The following GALNT12 variants were observed in gnomAD, a reference collection of about 807,000 sequenced individuals.
GALNT12 encodes the protein UDP-GalNAc:polypeptide N-acetylgalactosaminyltransferase 12.
GALNT12 carries 45 observed loss-of-function variants against 55.5 expected under a neutral mutation model. The ratio of observed to expected loss-of-function variants is 0.81; its 90% CI spans 0.64 to 1.04. GALNT12 has a LOEUF of 1.04. Among genes scored for constraint, GALNT12 ranks in the 50% least tolerant of loss-of-function variants. The pLI, the probability that GALNT12 is intolerant of heterozygous loss-of-function variation, is 0.00. For synonymous variants in GALNT12, 304 were observed against 312.2 expected (o/e 0.97, Z 0.28); for missense variants, 709 against 754.8 (o/e 0.94, Z 0.71).
intron 8 of GALNT12, 87 bp from the exon 9 acceptor site, chr9:98,845,890 C>T (rs915983484): frequency 6.2e-6 from 9 of 1,445,184 alleles, no homozygotes; most frequent in Non-Finnish European, 8.6e-6. Flanking sequence ...CCCATGCTCT[C>T]GTGATCCCAG....
At chr9:98,836,569 C>T (rs553781294) in intron 5 of GALNT12, among the ~76,000 whole-genome samples, 4 of 152,188 alleles carry the variant, frequency 2.6e-5, no homozygotes, top group South Asian at 2.1e-4. Flanking sequence ...TGTTTCTAGA[C>T]GCTCTTCCTT....
At chr9:98,842,814 A>G (rs1215314574) in intron 7 of GALNT12, among the ~76,000 whole-genome samples, 1 of 152,150 alleles carries the variant, frequency 6.6e-6, no homozygotes, top group East Asian at 1.9e-4. Context: ...ATATTAAAAA[A>G]AAAGTAAAGT....
At chr9:98,847,443 T>G (rs1431089564) in intron 9 of GALNT12, 1 of 152,164 alleles carries the variant, frequency 6.6e-6, no homozygotes. Flanking sequence ...CTTCCCATCT[T>G]TCTCCCAACC....
chr9:98,831,976 G>C lies in GALNT12; in HGVS notation c.917+19G>C. 2 of 1,607,608 alleles carry C rather than the reference G, an allele frequency of 1.2e-6. No homozygotes were observed. Among genetic ancestry groups the C allele is most frequent in the Non-Finnish European group, 1.7e-6 (2 of 1,175,440 alleles). On this transcript the variant is annotated intron_variant, in intron 4 of 9. Transcript: ENST00000375011. ...TCATCAGGTCAGGAGCTGACTTCTG[G>C]GTGACTTGTTTTTTAAGCATGCCTC...
At position 98,837,164 on chromosome 9, in the gene GALNT12, C is replaced by T. The variant is rs761917990; in HGVS notation, c.1212+16C>T. 1.2e-6 allele frequency: 2 copies of T among 1,613,724 alleles called. No individual in the cohort carries two copies. The highest frequency in any genetic ancestry group is 2.2e-5 in the East Asian group (1 of 44,874). The stretch of plus-strand genomic sequence containing the variant: ...TGCCCGCTTGGTGAGTTCCTCGGCC[C>T]ACCTGCACTCCATCTGGCTTCATCT... On this transcript the variant is annotated intron_variant, in intron 6 of 9. Transcript: ENST00000375011.
chr9:98,827,612 G>A (rs931729018), intron 3 of GALNT12, among the ~76,000 whole-genome samples: 3 of 152,152 alleles, frequency 2.0e-5, no homozygotes, highest in Admixed American at 6.5e-5. Flanking sequence ...AAGCAGGGCT[G>A]ACTTAACCCT....
chr9:98,807,687 G>C lies in GALNT12; in HGVS notation c.-12G>C. ...TGGGGCGCGCAGATCGCTGGCTGCAGTTGGCGGGCGCATGTGGGGGCGCAC... is the reference window on the plus strand; with the variant it reads ...TGGGGCGCGCAGATCGCTGGCTGCACTTGGCGGGCGCATGTGGGGGCGCAC... On this transcript the variant is annotated 5_prime_UTR_variant, in exon 1 of 10. Coordinates refer to ENST00000375011, the MANE Select transcript of GALNT12 (RefSeq NM_024642.5). 1 of 1,131,574 alleles carries C rather than the reference G, an allele frequency of 8.8e-7. No individual in the cohort carries two copies. The highest frequency in any genetic ancestry group is 1.1e-6 in the Non-Finnish European group (1 of 926,100). 70.1% of individuals were successfully genotyped at this position (1,131,574 alleles called of 1,614,324 possible).
chr9:98,836,445 T>C (rs1836147871), intron 5 of GALNT12, among the ~76,000 whole-genome samples: 3 of 152,226 alleles, frequency 2.0e-5, no homozygotes, highest in Non-Finnish European at 4.4e-5. Flanking sequence ...AAATGAGATA[T>C]TCAAGGCTGT....
intron 6 of GALNT12, among the ~76,000 whole-genome samples, chr9:98,839,065 G>C (rs1320506493): frequency 2.6e-5 from 4 of 151,998 alleles, no homozygotes; most frequent in Non-Finnish European, 4.4e-5. Context: ...CAGCACCATA[G>C]AGTAGAAACA....
At chr9:98,832,964 T>C (rs1836038690) in intron 4 of GALNT12, among the ~76,000 whole-genome samples, 1 of 152,208 alleles carries the variant, frequency 6.6e-6, no homozygotes, top group Non-Finnish European at 1.5e-5. Context: ...TTCCATTCTT[T>C]TGGGTATACA....
At chr9:98,816,217 G>A (rs917897517) in intron 1 of GALNT12, among the ~76,000 whole-genome samples, 2 of 152,204 alleles carry the variant, frequency 1.3e-5, no homozygotes, top group South Asian at 4.1e-4. Context: ...AAATGTTTAT[G>A]TATGTTGATA....
At chr9:98,826,225 T>C (rs1001981672) in intron 2 of GALNT12, among the ~76,000 whole-genome samples, 1 of 152,230 alleles carries the variant, frequency 6.6e-6, no homozygotes, top group African/African-American at 2.4e-5. Context: ...GAGGATCAGA[T>C]AGGTTATCTA....
chr9:98,845,914 G>T, intron 8 of GALNT12, 63 bp from the exon 9 acceptor site: 2 of 1,578,100 alleles, frequency 1.3e-6, no homozygotes, highest in Non-Finnish European at 1.7e-6. Context: ...CTTGTCCAGC[G>T]ATCTTTCCTC....
chr9:98,827,694 T>C (rs1421698960), intron 3 of GALNT12, among the ~76,000 whole-genome samples: 1 of 152,202 alleles, frequency 6.6e-6, no homozygotes, highest in Non-Finnish European at 1.5e-5. Context: ...TGAATTTCTT[T>C]TAAAATCAGA....
At chr9:98,810,142 C>G (rs1374501049) in intron 1 of GALNT12, among the ~76,000 whole-genome samples, 2 of 152,134 alleles carry the variant, frequency 1.3e-5, no homozygotes, top group Non-Finnish European at 2.9e-5. Context: ...CATCCAGGAG[C>G]TAATCAGGGT....
chr9:98,829,639 T>G (rs1835947755), intron 3 of GALNT12, among the ~76,000 whole-genome samples: 1 of 152,194 alleles, frequency 6.6e-6, no homozygotes, highest in Non-Finnish European at 1.5e-5. Flanking sequence ...TCCCAGTCTC[T>G]GGTAACCATC....
At chr9:98,824,030 T>C (rs1835807711) in intron 2 of GALNT12, among the ~76,000 whole-genome samples, 1 of 152,198 alleles carries the variant, frequency 6.6e-6, no homozygotes, top group Admixed American at 6.5e-5. Context: ...TAACAGCAGG[T>C]AGAGCTGTGG....
chr9:98,844,329 C>T (rs1487720934), intron 8 of GALNT12, 120 bp downstream of exon 8: 3 of 734,030 alleles, frequency 4.1e-6, no homozygotes, highest in East Asian at 5.4e-5. Context: ...CCTAGGGTGG[C>T]CAGACTCAGA....
chr9:98,808,069 T>C lies in GALNT12; in HGVS notation c.371T>C (p.Leu124Pro). ...HRRLPERWNP[L>P]CKEKKYDYDN... ...CGCCTGCCCGAGCGCTGGAACCCGC[T>C]GTGAGTGCACAGCTCTGGGGAGGAA... The change falls in exon 1 of 10, where the codon CTG (leucine) becomes CCG (proline). Residue 124 changes from leucine to proline, a missense_variant and splice_region_variant. Physicochemically the swap from Leu to Pro is moderately conservative, Grantham distance 98. Coordinates refer to ENST00000375011, the MANE Select transcript of GALNT12 (RefSeq NM_024642.5). 2 of 1,575,198 alleles carry C rather than the reference T, an allele frequency of 1.3e-6. No individual in the cohort carries two copies.
Sources: gnomAD v4.1 joint callset for allele counts (sites outside exome capture counted in the v4.1 genomes callset) on GRCh38, gnomAD v4.1.1 for gene constraint, MANE v1.5 for transcripts, NCBI Gene and HGNC (gene_info 2026-07-23, HGNC 2026-07-21) for gene names.